EIF3D: variants seen among roughly 807,000 people sequenced by gnomAD.
EIF3D encodes the protein eIF3 p66.
A neutral mutation model predicts 75.4 loss-of-function variants in EIF3D; 10 were observed. That is an observed-to-expected ratio of 0.13 (90% CI 0.08 to 0.22). The LOEUF is 0.22. EIF3D is among the 10% of genes least tolerant of loss of function. The pLI is 1.00. For missense variants in EIF3D, 394 were observed against 708.0 expected, an observed-to-expected ratio of 0.56 and a Z score of 5.03; for synonymous variants, 246 against 248.3, an observed-to-expected ratio of 0.99 and a Z score of 0.09.
chr22:36,516,210 T>G (rs1436515177), intron 12 of EIF3D: 1 of 351,628 alleles, frequency 2.8e-6, no homozygotes, highest in East Asian at 4.8e-5. Flanking sequence ...AAGAAAGTAC[T>G]GGAAGAAGGG....
intron 12 of EIF3D, among the ~76,000 whole-genome samples, chr22:36,514,320 G>A (rs1934389160): frequency 6.6e-6 from 1 of 151,402 alleles, no homozygotes; most frequent in South Asian, 2.1e-4. Flanking sequence ...ATTCTAAGAT[G>A]ACCCCCAGTG....
Position 36,510,856 on chromosome 22 carries a change from A to T in EIF3D, c.*131T>A. 1.8e-6 allele frequency: 2 copies of T among 1,109,044 alleles called. No individual in the cohort carries two copies. Among genetic ancestry groups the T allele is most frequent in the Non-Finnish European group, 1.2e-6 (1 of 810,758 alleles). The allele number at this position is 1,109,044 out of a possible 1,614,324, so 68.7% of individuals were successfully genotyped here. A position where few individuals can be genotyped will look rare whatever the true frequency, so the allele number is the denominator to read the frequency against. ...CGTTAATGCAGGCAGACGATGAGGGAAAGACTAAACAGATATATATTTTAT... is the reference window on the plus strand; with the variant it reads ...CGTTAATGCAGGCAGACGATGAGGGTAAGACTAAACAGATATATATTTTAT... On this transcript the variant is annotated 3_prime_UTR_variant, in exon 15 of 15. Transcript: ENST00000216190.
chr22:36,511,834 C>A, intron 13 of EIF3D, 48 bp from the exon 14 acceptor site: 2 of 1,587,370 alleles, frequency 1.3e-6, no homozygotes, highest in South Asian at 2.2e-5. Context: ...AGCACAGAGA[C>A]AGCAACACTT....
intron 12 of EIF3D, among the ~76,000 whole-genome samples, chr22:36,514,767 A>C (rs1934397168): frequency 6.6e-6 from 1 of 151,934 alleles, no homozygotes; most frequent in Non-Finnish European, 1.5e-5. Flanking sequence ...GAACCTCCAG[A>C]TGAGAACTCA....
At chr22:36,523,420 AG>A (rs1279565363) in intron 5 of EIF3D, 139 bp from the exon 6 acceptor site, 1 of 693,172 alleles carries the variant, frequency 1.4e-6, no homozygotes, top group Non-Finnish European at 2.5e-6. Context: ...GCTTAGAGAA[AG>A]GAAGAGACCC....
At chr22:36,527,665 C>A (rs1371172233) in intron 1 of EIF3D, among the ~76,000 whole-genome samples, 1 of 152,146 alleles carries the variant, frequency 6.6e-6, no homozygotes, top group Non-Finnish European at 1.5e-5. Flanking sequence ...ATGGTGAAAC[C>A]CAGTCTCTAC....
At chr22:36,518,741 G>T (rs1274824766) in intron 9 of EIF3D, 22 bp downstream of exon 9, 1 of 1,612,872 alleles carries the variant, frequency 6.2e-7, no homozygotes. Context: ...CCTTTGAGTT[G>T]CTCCCCAGGC....
At chr22:36,526,823 A>C (rs1260817658) in intron 1 of EIF3D, 2 of 152,170 alleles carry the variant, frequency 1.3e-5, no homozygotes, top group Admixed American at 6.6e-5. Context: ...TCCTGACCTC[A>C]AATGATCCTC....
rs138824472 is a variant in EIF3D, at chr22:36,520,833, T to C, written c.466-145A>G. The C allele has an allele frequency of 1.0e-3, 579 of 566,754 alleles. 6 individuals carry two copies. The East Asian group carries it at 0.017, about 17-fold the overall frequency. 35.1% of individuals were successfully genotyped at this position (566,754 alleles called of 1,614,324 possible). A position where few individuals can be genotyped will look rare whatever the true frequency, so the allele number is the denominator to read the frequency against. On this transcript the variant is annotated intron_variant, in intron 6 of 14. Coordinates refer to ENST00000216190, the MANE Select transcript of EIF3D (RefSeq NM_003753.4). ...ACTTTGGGAAGCTGGGGCAGGATGA[T>C]TGCTTGAGCCCAGGAGTTTGAGGCT...
chr22:36,519,673 C>T (rs1055115970), intron 7 of EIF3D, 136 bp from the exon 8 acceptor site: 28 of 1,224,942 alleles, frequency 2.3e-5, no homozygotes, highest in East Asian at 5.0e-5. Context: ...GCAGGAGAGA[C>T]GAATCCTCAG....
chr22:36,511,689 T>C lies in EIF3D; in HGVS notation c.1447A>G (p.Ser483Gly). The C allele has an allele frequency of 1.2e-6, 2 of 1,614,078 alleles. No homozygotes were observed. The highest frequency in any genetic ancestry group is 1.7e-6 in the Non-Finnish European group (2 of 1,180,020). The change falls in exon 14 of 15, where the codon AGC becomes GGC. Residue 483 changes from serine (S) to glycine (G), a missense_variant. Transcript: ENST00000216190. ...PNEFASQINL[S>G]VENAWGILRC... ...AAAATGCCCCAGGCATTCTCCACGCTCAGGTTGATCTGGCTGGCAAACTCA... is the reference window on the plus strand; with the variant it reads ...AAAATGCCCCAGGCATTCTCCACGCCCAGGTTGATCTGGCTGGCAAACTCA...
chr22:36,526,630 CAG>C (rs1232172708), intron 1 of EIF3D, among the ~76,000 whole-genome samples: 3 of 131,114 alleles, frequency 2.3e-5, no homozygotes, highest in East Asian at 1.9e-4. Flanking sequence ...TTTTTTGAGA[CAG>C]AGTCTCACTT....
chr22:36,524,527 G>A (rs1934565247), intron 4 of EIF3D, 69 bp downstream of exon 4: 1 of 1,602,730 alleles, frequency 6.2e-7, no homozygotes, highest in Admixed American at 1.7e-5. Context: ...TCACAAGGTA[G>A]CATTTTTTAG....
chr22:36,518,505 A>C (rs886956579), intron 9 of EIF3D, among the ~76,000 whole-genome samples: 2 of 151,394 alleles, frequency 1.3e-5, no homozygotes, highest in African/African-American at 4.9e-5. Flanking sequence ...AAAAAAAAAA[A>C]AAAACAACAA....
chr22:36,511,186 A>G, intron 14 of EIF3D, 186 bp from the exon 15 acceptor site: 1 of 850,172 alleles, frequency 1.2e-6, no homozygotes, highest in South Asian at 1.9e-5. Context: ...AGCAGGAGAG[A>G]CAACTTTCAG....
intron 1 of EIF3D, among the ~76,000 whole-genome samples, chr22:36,528,281 T>C (rs905569530): frequency 2.6e-5 from 4 of 152,216 alleles, no homozygotes; most frequent in Middle Eastern, 3.4e-3. Flanking sequence ...CCGTACATCA[T>C]AATACCAAGA....
chr22:36,515,820 G>GA (rs912647996), intron 12 of EIF3D, among the ~76,000 whole-genome samples: 1 of 133,134 alleles, frequency 7.5e-6, no homozygotes, highest in African/African-American at 2.8e-5. Flanking sequence ...AGCTCACCAG[G>GA]AAAAATCCAA....
intron 6 of EIF3D, among the ~76,000 whole-genome samples, chr22:36,521,594 A>G (rs942511700): frequency 6.6e-6 from 1 of 152,184 alleles, no homozygotes; most frequent in African/African-American, 2.4e-5. Context: ...AACATGATGT[A>G]TAATTCAAAG....
Position 36,529,126 on chromosome 22 carries a change from A to G in EIF3D, c.-61T>C. 5.1e-6 allele frequency: 2 copies of G among 395,566 alleles called. No individual in the cohort carries two copies. Among genetic ancestry groups the G allele is most frequent in the Non-Finnish European group, 8.9e-6 (2 of 224,464 alleles). The allele number at this position is 395,566 out of a possible 1,614,324, so 24.5% of individuals were successfully genotyped here. On this transcript the variant is annotated 5_prime_UTR_variant, in exon 1 of 15. Transcript: ENST00000216190. The stretch of plus-strand genomic sequence containing the variant: ...TGGCAACAGATGGTGCGTGCCGGGG[A>G]CCGCGTTAGCAGCAGCACTCTTGAG...
Sources: allele counts gnomAD v4.1 joint callset (sites outside exome capture counted in the v4.1 genomes callset), GRCh38; gene constraint gnomAD v4.1.1; transcripts MANE v1.5; gene names NCBI Gene and HGNC (gene_info 2026-07-23, HGNC 2026-07-21).